The following PIK3C2A variants were observed in gnomAD, a reference collection of about 807,000 sequenced individuals.
The protein encoded by PIK3C2A is phosphatidylinositol-4-phosphate 3-kinase catalytic subunit type 2 alpha, also known as phosphatidylinositol 4-phosphate 3-kinase C2 domain-containing subunit alpha.
Under a neutral mutation model 204.5 loss-of-function variants are expected in PIK3C2A, and 97 were observed. That is an observed-to-expected ratio of 0.47 (90% confidence interval 0.40 to 0.56). The LOEUF (loss-of-function observed/expected upper bound fraction) is 0.56, where lower values mean the gene tolerates loss of function less well. Ranked by LOEUF, PIK3C2A falls within the 20% of genes least tolerant of loss-of-function variation. PIK3C2A has a pLI of 0.00. For missense variants in PIK3C2A, 1,735 were observed against 1,969.2 expected, an observed-to-expected ratio of 0.88 and a Z score of 2.25; for synonymous variants, 653 against 664.4, an observed-to-expected ratio of 0.98 and a Z score of 0.26.
At chr11:17,102,577 G>A (rs1001945253) in intron 24 of PIK3C2A, 85 bp downstream of exon 24, 31 of 1,090,112 alleles carry the variant, frequency 2.8e-5, no homozygotes, top group African/African-American at 9.4e-5. Context: ...ATGGAGCCGC[G>A]AGGCAAAACA....
intron 2 of PIK3C2A, among the ~76,000 whole-genome samples, chr11:17,165,856 C>T (rs1850931574): frequency 1.3e-5 from 2 of 149,656 alleles, no homozygotes. Flanking sequence ...AACTTTGCTG[C>T]TTGCAAAGAG....
At chr11:17,089,972 T>A in intron 32 of PIK3C2A, 52 bp from the exon 33 acceptor site, 1 of 1,356,632 alleles carries the variant, frequency 7.4e-7, no homozygotes, top group Non-Finnish European at 1.0e-6. Flanking sequence ...TTTGTTTGGT[T>A]TCTTGGAACA....
intron 1 of PIK3C2A, among the ~76,000 whole-genome samples, chr11:17,205,600 C>T (rs1280455097): frequency 6.6e-6 from 1 of 151,484 alleles, no homozygotes; most frequent in Non-Finnish European, 1.5e-5. Context: ...GGAAATTCAA[C>T]ACTCTTTAGG....
chr11:17,181,922 T>A lies in PIK3C2A; in HGVS notation c.-65-12116A>T, dbSNP rs549562802. Reference sequence around the variant, plus strand: ...GCCTGACCAACATGGAGAAACCCCATCTCTACTAAAAATATAAAAAATCAG... The same window carrying A: ...GCCTGACCAACATGGAGAAACCCCAACTCTACTAAAAATATAAAAAATCAG... On this transcript the variant is annotated intron_variant, in intron 1 of 32. Transcript: ENST00000691414. Among the ~76,000 whole-genome samples, 60 of 151,492 alleles carry A rather than the reference T, an allele frequency of 4.0e-4. No homozygotes were observed. In the South Asian group the frequency reaches 0.012, roughly 30 times the overall value.
In PIK3C2A at chr11:17,115,316, T is replaced by C. The variant is rs138219227; in HGVS notation, c.3217-851A>G. Among the ~76,000 whole-genome samples the C allele has an allele frequency of 1.1e-4, 16 of 149,912 alleles. No individual in the cohort carries two copies. The East Asian group carries it at 3.1e-3, about 29-fold the overall frequency. On this transcript the variant is annotated intron_variant, in intron 19 of 32. Coordinates refer to ENST00000691414, the MANE Select transcript of PIK3C2A (RefSeq NM_002645.4). ...GGGAGGCCAAAATGGGAGGACTGCTTGAGCCCAGGAGTTCAAGACCAGCCT... is the reference window on the plus strand; with the variant it reads ...GGGAGGCCAAAATGGGAGGACTGCTCGAGCCCAGGAGTTCAAGACCAGCCT...
rs775083218 is a variant in PIK3C2A, at chr11:17,122,721, A to G, written c.2492T>C (p.Met831Thr). The G allele has an allele frequency of 2.7e-6, 4 of 1,464,772 alleles. No homozygotes were observed. The highest frequency in any genetic ancestry group is 3.8e-6 in the Non-Finnish European group (4 of 1,047,574). 90.7% of individuals were successfully genotyped at this position (1,464,772 alleles called of 1,614,324 possible). A position where few individuals can be genotyped will look rare whatever the true frequency, so the allele number is the denominator to read the frequency against. ...PGTVTKKGYV[M>T]ERIVLQVDFP... ...CATTACCTGTAGCACTATTCTTTCC[A>G]TGACATATCCTTTTTTGGTAACTGT... The change falls in exon 14 of 33, where the codon ATG becomes ACG. Residue 831 changes from methionine to threonine, a missense_variant. This residue lies in a region of PIK3C2A where 567 missense variants were observed against 576.0 expected (regional missense o/e 0.98). Coordinates refer to ENST00000691414, the MANE Select transcript of PIK3C2A (RefSeq NM_002645.4).
Position 17,089,656 on chromosome 11 carries a change from TG to T in PIK3C2A, c.*81del. The T allele has an allele frequency of 1.3e-6, 1 of 769,426 alleles. No individual in the cohort carries two copies. Among genetic ancestry groups the T allele is most frequent in the Admixed American group, 2.5e-5 (1 of 40,452 alleles). The allele number at this position is 769,426 out of a possible 1,614,324, so 47.7% of individuals were successfully genotyped here. A position where few individuals can be genotyped will look rare whatever the true frequency, so the allele number is the denominator to read the frequency against. ...ATACTATACAAAATTAACAAGTGTG[TG>T]TGTGTGTGTCTGTGTGTGTGTGCAT... is the stretch of plus-strand genomic sequence containing the variant. On this transcript the variant is annotated 3_prime_UTR_variant, in exon 33 of 33. Coordinates refer to ENST00000691414, the MANE Select transcript of PIK3C2A (RefSeq NM_002645.4).
rs35485246 is a variant in PIK3C2A at position 17,117,708 on chromosome 11, GTTTTTTTTTT to G, written c.3036-47_3036-38del. On this transcript the variant is annotated intron_variant, in intron 18 of 32. Transcript: ENST00000691414. ...AAATATTTATGTTAGTCACGTCTTGGTTTTTTTTTTTTTTTTTTTTTTTTGAGACGGAGCC... is the reference window on the plus strand; with the variant it reads ...AAATATTTATGTTAGTCACGTCTTGGTTTTTTTTTTTTTTGAGACGGAGCC... The G allele has an allele frequency of 8.5e-5, 27 of 319,522 alleles. 1 individual carries two copies. Among genetic ancestry groups the G allele is most frequent in the Middle Eastern group, 8.9e-4 (1 of 1,126 alleles). The allele number at this position is 319,522 out of a possible 1,614,324, so 19.8% of individuals were successfully genotyped here.
intron 25 of PIK3C2A, among the ~76,000 whole-genome samples, chr11:17,100,819 T>C (rs567033601): frequency 1.3e-5 from 2 of 152,352 alleles, no homozygotes; most frequent in African/African-American, 4.8e-5. Context: ...AAGACAATTG[T>C]AGCCTTCTGT....
chr11:17,169,364 G>T lies in PIK3C2A; in HGVS notation c.378C>A (p.Ser126=). The T allele has an allele frequency of 1.2e-6, 2 of 1,613,970 alleles. No homozygotes were observed. The highest frequency in any genetic ancestry group is 1.7e-6 in the Non-Finnish European group (2 of 1,179,958). Residue 126 remains serine (S), a synonymous_variant, in exon 2 of 33, where the codon TCC becomes TCA. Coordinates refer to ENST00000691414, the MANE Select transcript of PIK3C2A (RefSeq NM_002645.4). ...VLPVTPILSP[S]FSAQLYFRPT... ...GTCTAAAATAGAGCTGTGCTGAAAA[G>T]GAAGGGCTCAGAATAGGAGTAACTG...
chr11:17,127,110 T>C (rs1849551458), intron 13 of PIK3C2A, among the ~76,000 whole-genome samples: 1 of 152,180 alleles, frequency 6.6e-6, no homozygotes, highest in African/African-American at 2.4e-5. Context: ...TAATGTATTA[T>C]ATTTAGCAAA....
intron 8 of PIK3C2A, among the ~76,000 whole-genome samples, chr11:17,142,916 G>A (rs1850112882): frequency 6.6e-6 from 1 of 151,566 alleles, no homozygotes. Context: ...GTGGCAAGGA[G>A]AATAGAGAAA....
At chr11:17,166,661 T>C (rs912210661) in intron 2 of PIK3C2A, among the ~76,000 whole-genome samples, 1 of 152,244 alleles carries the variant, frequency 6.6e-6, no homozygotes, top group Non-Finnish European at 1.5e-5. Context: ...CGCAGCTCCC[T>C]ACAAGACAAG....
intron 25 of PIK3C2A, among the ~76,000 whole-genome samples, chr11:17,100,984 T>A (rs1439619321): frequency 2.0e-5 from 3 of 152,172 alleles, no homozygotes; most frequent in African/African-American, 7.2e-5. Context: ...CACAAAACAT[T>A]CATTAGCATA....
At chr11:17,133,243 T>C (rs1468579692) in intron 11 of PIK3C2A, among the ~76,000 whole-genome samples, 1 of 152,092 alleles carries the variant, frequency 6.6e-6, no homozygotes, top group African/African-American at 2.4e-5. Flanking sequence ...CTATGTATAT[T>C]TGTGTGTGTC....
In PIK3C2A at chr11:17,135,108, T is replaced by C. The variant is rs759068728; in HGVS notation, c.1897+3A>G. 4 of 1,613,764 alleles carry C rather than the reference T, an allele frequency of 2.5e-6. No homozygotes were observed. The highest frequency in any genetic ancestry group is 1.1e-5 in the South Asian group (1 of 91,076). On this transcript the variant is annotated splice_donor_region_variant and intron_variant, in intron 10 of 32. Coordinates refer to ENST00000691414, the MANE Select transcript of PIK3C2A (RefSeq NM_002645.4). ...GCTAAAATTTAAAGATTTAAACACA[T>C]ACCCCTAGTTGAACTCCTGCTAGTG... is the stretch of plus-strand genomic sequence containing the variant.
At chr11:17,093,363 TTCACGCCATTC>T in intron 28 of PIK3C2A, among the ~76,000 whole-genome samples, 1 of 152,046 alleles carries the variant, frequency 6.6e-6, no homozygotes. Context: ...ACCTTCTGGG[TTCACGCCATTC>T]TCCTGCCTCA....
chr11:17,190,136 G>T (rs1316365656), intron 1 of PIK3C2A, among the ~76,000 whole-genome samples: 3 of 151,970 alleles, frequency 2.0e-5, no homozygotes, highest in African/African-American at 4.8e-5. Context: ...AGTGACGCGT[G>T]CCTGTAATCC....
chr11:17,103,110 T>C (rs146948427), intron 23 of PIK3C2A, among the ~76,000 whole-genome samples: 93 of 151,892 alleles, frequency 6.1e-4, no homozygotes, highest in African/African-American at 2.2e-3. Context: ...CCTTCAAACA[T>C]CTTTTAAGCG....
Sources: allele counts gnomAD v4.1 joint callset (sites outside exome capture counted in the v4.1 genomes callset), GRCh38; gene constraint gnomAD v4.1.1; regional missense constraint gnomAD v4.1.1; transcripts MANE v1.5; gene names NCBI Gene and HGNC (gene_info 2026-07-23, HGNC 2026-07-21).